Variants in FGGY observed in about 807,000 individuals in gnomAD.
FGGY encodes FGGY carbohydrate kinase domain-containing protein.
In FGGY, 72 loss-of-function variants were observed where a neutral mutation model predicts 71.3. That is an observed-to-expected ratio of 1.01 (90% CI 0.84 to 1.23). The LOEUF is 1.23. Ranked by LOEUF, FGGY falls within the 50% of genes most tolerant of loss-of-function variation. FGGY has a pLI of 0.00. For synonymous variants in FGGY, 251 were observed against 250.3 expected (o/e 1.00, Z -0.02); for missense variants, 668 against 682.3 (o/e 0.98, Z 0.23).
intron 6 of FGGY, among the ~76,000 whole-genome samples, chr1:59,485,429 T>G (rs962120095): frequency 3.5e-4 from 53 of 152,180 alleles, no homozygotes; most frequent in African/African-American, 1.3e-3. Flanking sequence ...GTAGATTGGC[T>G]GGTCAGGTAG....
intron 14 of FGGY, chr1:59,699,349 C>A: frequency 1.0e-6 from 1 of 985,162 alleles, no homozygotes; most frequent in Non-Finnish European, 1.2e-6. Context: ...CTGCCTTTTG[C>A]ATAGTTATTG....
intron 14 of FGGY, among the ~76,000 whole-genome samples, chr1:59,716,102 G>A (rs1294067764): frequency 1.3e-5 from 2 of 152,202 alleles, no homozygotes; most frequent in Non-Finnish European, 2.9e-5. Context: ...CCTATTTTAA[G>A]TAGGTTAGCT....
intron 5 of FGGY, among the ~76,000 whole-genome samples, chr1:59,379,604 A>G (rs983228412): frequency 6.6e-6 from 1 of 152,118 alleles, no homozygotes; most frequent in East Asian, 1.9e-4. Context: ...AGACTTTATA[A>G]ACACTGTACC....
chr1:59,386,321 A>G (rs375621001), intron 5 of FGGY, among the ~76,000 whole-genome samples: 9 of 152,186 alleles, frequency 5.9e-5, no homozygotes, highest in African/African-American at 2.2e-4. Flanking sequence ...TGTATTGGTC[A>G]TGTATATTGT....
In FGGY at chr1:59,339,991, C is replaced by G. The variant is rs748040209; in HGVS notation, c.235C>G (p.Arg79Gly). The change falls in exon 3 of 16, where the codon CGA becomes GGA. Residue 79 changes from arginine (R) to glycine (G), a missense_variant. Arg to Gly is a moderately radical substitution (Grantham distance 125). Coordinates refer to ENST00000303721, the MANE Select transcript of FGGY (RefSeq NM_018291.5). ...ACAAGGGATTGATTTAAACCAAATT[C>G]GAGGACTTGGGTTTGATGCCACGTG... ...VVQGIDLNQI[R>G]GLGFDATCSL... is the part of the protein sequence containing the mutation. 1 of 1,612,910 alleles carries G rather than the reference C, an allele frequency of 6.2e-7. No homozygotes were observed. Among genetic ancestry groups the G allele is most frequent in the African/African-American group, 1.3e-5 (1 of 74,840 alleles).
At chr1:59,534,957 A>G (rs1320449134) in intron 7 of FGGY, among the ~76,000 whole-genome samples, 3 of 152,152 alleles carry the variant, frequency 2.0e-5, no homozygotes, top group South Asian at 4.2e-4. Context: ...CATCATAATG[A>G]CAGGAACAAA....
intron 8 of FGGY, among the ~76,000 whole-genome samples, chr1:59,563,643 TC>T (rs2095829655): frequency 6.6e-6 from 1 of 152,194 alleles, no homozygotes; most frequent in Admixed American, 6.5e-5. Context: ...TCAATGCTAT[TC>T]CCATCAAACT....
chr1:59,562,224 A>G (rs1030476247), intron 8 of FGGY, among the ~76,000 whole-genome samples: 1 of 152,258 alleles, frequency 6.6e-6, no homozygotes, highest in African/African-American at 2.4e-5. Context: ...AGCACTGGAA[A>G]CAACCGAGAT....
intron 15 of FGGY, among the ~76,000 whole-genome samples, chr1:59,762,176 G>GC (rs34511494): frequency 4.0e-5 from 6 of 151,200 alleles, no homozygotes; most frequent in African/African-American, 1.5e-4. Context: ...TGCAACCTCC[G>GC]CCCCCCGGGT....
chr1:59,365,701 G>A (rs1009143899), intron 4 of FGGY, among the ~76,000 whole-genome samples: 1 of 152,176 alleles, frequency 6.6e-6, no homozygotes, highest in Non-Finnish European at 1.5e-5. Flanking sequence ...TAATCTGCAA[G>A]CATAGTTTTC....
At chr1:59,399,027 G>A (rs1297478210) in intron 5 of FGGY, among the ~76,000 whole-genome samples, 1 of 152,100 alleles carries the variant, frequency 6.6e-6, no homozygotes, top group Non-Finnish European at 1.5e-5. Context: ...CCTAACATTG[G>A]GTGTAAAGGA....
chr1:59,408,500 T>A (rs748807790), intron 5 of FGGY, among the ~76,000 whole-genome samples: 2 of 152,204 alleles, frequency 1.3e-5, no homozygotes, highest in Non-Finnish European at 2.9e-5. Flanking sequence ...GCTATTCTTA[T>A]TCATACCTGA....
At chr1:59,424,099 G>C (rs2065912298) in intron 5 of FGGY, among the ~76,000 whole-genome samples, 1 of 152,208 alleles carries the variant, frequency 6.6e-6, no homozygotes, top group South Asian at 2.1e-4. Flanking sequence ...ACCATGATAG[G>C]CCGAGATCTG....
rs139072706 is a variant in FGGY, at chr1:59,642,517, C to T, written c.1221+4142C>T. On this transcript the variant is annotated intron_variant, in intron 11 of 15. Transcript: ENST00000303721. ...GTGGACGCCTGTAATCCCAGCTACT[C>T]AGGAGGCTGAGGCAGGAGAATTGCT... Among the ~76,000 whole-genome samples, 539 of 151,320 alleles carry T rather than the reference C, an allele frequency of 3.6e-3. 4 individuals are homozygous for T. Among genetic ancestry groups the T allele is most frequent in the African/African-American group, 0.012 (515 of 41,234 alleles).
intron 1 of FGGY, among the ~76,000 whole-genome samples, chr1:59,303,232 A>G (rs1382718439): frequency 6.6e-6 from 1 of 152,178 alleles, no homozygotes; most frequent in Non-Finnish European, 1.5e-5. Context: ...TTTTTCTAAT[A>G]ACTGAAAGTT....
At chr1:59,550,102 T>C (rs373874742) in intron 7 of FGGY, among the ~76,000 whole-genome samples, 9 of 152,328 alleles carry the variant, frequency 5.9e-5, no homozygotes, top group African/African-American at 2.2e-4. Context: ...GTCACTGTTT[T>C]TTTATGCCTG....
chr1:59,372,482 A>G (rs1227064149), intron 4 of FGGY, among the ~76,000 whole-genome samples: 3 of 152,182 alleles, frequency 2.0e-5, no homozygotes, highest in Admixed American at 6.5e-5. Context: ...CCAGAGGTAC[A>G]AGGAGGAGCT....
Position 59,386,992 on chromosome 1 carries a change from A to G in FGGY, c.554+8155A>G, listed in dbSNP as rs1460805549. Among the ~76,000 whole-genome samples the G allele has an allele frequency of 2.0e-5, 3 of 152,014 alleles. No individual in the cohort carries two copies. The East Asian group carries it at 5.8e-4, about 29-fold the overall frequency. ...ATATTCTACCTTTTCCTTTAAAGAG[A>G]TGAATTCATGGCTTTTAGAAACTGA... On this transcript the variant is annotated intron_variant, in intron 5 of 15. Transcript: ENST00000303721.
In FGGY at chr1:59,348,699, A is replaced by T. The variant is rs555303781; in HGVS notation, c.465+2301A>T. Among the ~76,000 whole-genome samples, 15 of 152,334 alleles carry T rather than the reference A, an allele frequency of 9.8e-5. No individual in the cohort carries two copies. The East Asian group carries it at 2.7e-3, about 27-fold the overall frequency. ...GCTGAGAGGGTGCCTAAGGATTGCC[A>T]TCACGGGGCAGGAGAGTGGTAGGAA... On this transcript the variant is annotated intron_variant, in intron 4 of 15. Transcript: ENST00000303721.
Sources: gnomAD v4.1 joint callset for allele counts (sites outside exome capture counted in the v4.1 genomes callset) on GRCh38, gnomAD v4.1.1 for gene constraint, MANE v1.5 for transcripts, NCBI Gene and HGNC (gene_info 2026-07-23, HGNC 2026-07-21) for gene names.